The following REV1 variants were observed in gnomAD, a reference collection of about 807,000 sequenced individuals.
The protein encoded by REV1 is REV1 DNA directed polymerase.
A neutral mutation model predicts 137.4 loss-of-function variants in REV1; 42 were observed. That is an observed-to-expected ratio of 0.31 (90% CI 0.24 to 0.40). The LOEUF is 0.40. Among genes scored for constraint, REV1 ranks in the 10% least tolerant of loss-of-function variants. REV1 has a pLI of 1.00. For missense variants in REV1, 1,282 were observed against 1,490.1 expected (o/e 0.86, Z 2.30); for synonymous variants, 524 against 519.2 (o/e 1.01, Z -0.12).
rs28382958 is a variant in REV1 at position 99,408,347 on chromosome 2, G to A, written c.2346-216C>T. On this transcript the variant is annotated intron_variant, in intron 14 of 22. Coordinates refer to ENST00000258428, the MANE Select transcript of REV1 (RefSeq NM_016316.4). ...GGGAAAGAAAAATTATGGAACACTA[G>A]AACTTTAAGGTAAAAACCGTAATGG... The A allele has an allele frequency of 7.1e-3, 2,577 of 362,710 alleles. 22 individuals are homozygous for A. The highest frequency in any genetic ancestry group is 0.033 in the Middle Eastern group (45 of 1,366). 22.5% of individuals were successfully genotyped at this position (362,710 alleles called of 1,614,324 possible). A position where few individuals can be genotyped will look rare whatever the true frequency, so the allele number is the denominator to read the frequency against.
intron 8 of REV1, chr2:99,431,761 G>A: frequency 3.0e-6 from 3 of 985,550 alleles, no homozygotes; most frequent in Non-Finnish European, 2.4e-6. Flanking sequence ...GTGCAGCAGA[G>A]TGCGTGGGTC....
chr2:99,437,235 G>A (rs1031093928), intron 6 of REV1, among the ~76,000 whole-genome samples: 5 of 151,602 alleles, frequency 3.3e-5, no homozygotes, highest in South Asian at 2.1e-4. Flanking sequence ...CTCCCGCCTC[G>A]GCCTCCGAAA....
At chr2:99,488,578 C>T (rs923301690) in intron 1 of REV1, among the ~76,000 whole-genome samples, 1 of 152,112 alleles carries the variant, frequency 6.6e-6, no homozygotes, top group African/African-American at 2.4e-5. Flanking sequence ...AGAATGATTC[C>T]TGGAAGAGGA....
Position 99,400,519 on chromosome 2 carries a change from T to TAAC in REV1, c.*719_*721dup, listed in dbSNP as rs1028125605. 2.0e-5 allele frequency: 3 copies of TAAC among 152,192 alleles called. No individual in the cohort carries two copies. The highest frequency in any genetic ancestry group is 1.9e-4 in the East Asian group (1 of 5,198). 9.4% of individuals were successfully genotyped at this position (152,192 alleles called of 1,614,324 possible). ...TATTTTAAAGTTATGGCATAACATA[T>TAAC]AACATAAAAATATTTTATATACGTT... On this transcript the variant is annotated 3_prime_UTR_variant, in exon 23 of 23. Coordinates refer to ENST00000258428, the MANE Select transcript of REV1 (RefSeq NM_016316.4).
At chr2:99,425,016 C>T in intron 9 of REV1, 1 of 723,652 alleles carries the variant, frequency 1.4e-6, no homozygotes, top group Non-Finnish European at 1.9e-6. Flanking sequence ...TAGTAAAATT[C>T]TATTTTATCA....
chr2:99,451,418 G>A, intron 3 of REV1: 5 of 1,302,156 alleles, frequency 3.8e-6, no homozygotes, highest in Non-Finnish European at 5.1e-6. Context: ...CCCTTCTACT[G>A]GATGAAGTTA....
chr2:99,402,866 A>G (rs761635955), intron 20 of REV1, 23 bp downstream of exon 20: 2 of 1,612,864 alleles, frequency 1.2e-6, no homozygotes, highest in East Asian at 2.2e-5. Context: ...AAGATCTCAT[A>G]AAGGTCAAAG....
In REV1 at chr2:99,405,911, T is replaced by C; in HGVS notation, c.2810A>G (p.Gln937Arg). 1.3e-6 allele frequency: 2 copies of C among 1,529,906 alleles called. No homozygotes were observed. The highest frequency in any genetic ancestry group is 1.8e-6 in the Non-Finnish European group (2 of 1,135,392). The allele number at this position is 1,529,906 out of a possible 1,614,324, so 94.8% of individuals were successfully genotyped here. ...ATATTTAGGACTACAAAAATGTACC[T>C]GGGAAGGTGACGGGACCTCTATACT... The part of the protein sequence containing the change: ...NLSIEVPSPS[Q>R]LDQSVLEALP... Residue 937 changes from glutamine to arginine, a missense_variant and splice_region_variant, in exon 17 of 23, where the codon CAG (glutamine) becomes CGG (arginine). By Grantham distance (43) the Gln-to-Arg change is conservative. Transcript: ENST00000258428.
At chr2:99,454,321 G>C (rs987355290) in intron 3 of REV1, among the ~76,000 whole-genome samples, 1 of 151,974 alleles carries the variant, frequency 6.6e-6, no homozygotes, top group Non-Finnish European at 1.5e-5. Flanking sequence ...AGGCCACAGC[G>C]GGTGGATCCT....
intron 17 of REV1, among the ~76,000 whole-genome samples, chr2:99,404,946 T>C (rs1461517143): frequency 1.3e-5 from 2 of 152,134 alleles, no homozygotes; most frequent in Admixed American, 1.3e-4. Context: ...TAAGTCCAAA[T>C]ATACTCACAG....
intron 13 of REV1, 104 bp from the exon 14 acceptor site, chr2:99,410,971 ACT>A: frequency 1.9e-6 from 2 of 1,073,090 alleles, no homozygotes; most frequent in Non-Finnish European, 2.6e-6. Flanking sequence ...TTGGTTACTC[ACT>A]ATCACGCTCA....
At chr2:99,473,197 C>A (rs993107730) in intron 1 of REV1, among the ~76,000 whole-genome samples, 1 of 151,850 alleles carries the variant, frequency 6.6e-6, no homozygotes, top group Non-Finnish European at 1.5e-5. Flanking sequence ...GAAACCCTGT[C>A]TCCAAAAATC....
rs553903681 is a variant in REV1, at chr2:99,425,366, T to C, written c.1548-1086A>G. 3.9e-5 allele frequency among the ~76,000 whole-genome samples: 6 copies of C among 152,274 alleles called. No individual in the cohort carries two copies. In the East Asian group the frequency reaches 1.2e-3, roughly 29 times the overall value. ...AATGGTCTCAGTGCTAAGTCCCTAG[T>C]AGATAAGAAATACCTAAGAGGAAGG... On this transcript the variant is annotated intron_variant, in intron 9 of 22. Coordinates refer to ENST00000258428, the MANE Select transcript of REV1 (RefSeq NM_016316.4).
chr2:99,437,947 A>AT, intron 6 of REV1, among the ~76,000 whole-genome samples: 1 of 152,286 alleles, frequency 6.6e-6, no homozygotes, highest in Non-Finnish European at 1.5e-5. Flanking sequence ...ACAGCTATAA[A>AT]TTATAGAGTA....
At chr2:99,471,846 C>T (rs1685449292) in intron 1 of REV1, among the ~76,000 whole-genome samples, 1 of 145,200 alleles carries the variant, frequency 6.9e-6, no homozygotes, top group Non-Finnish European at 1.5e-5. Context: ...CAAATAGAAA[C>T]CACAATGAGA....
chr2:99,459,646 C>T (rs1183731605), intron 3 of REV1, among the ~76,000 whole-genome samples: 1 of 152,064 alleles, frequency 6.6e-6, no homozygotes, highest in Non-Finnish European at 1.5e-5. Context: ...GTTGAAGCTG[C>T]AGTGAGCCGT....
chr2:99,435,671 C>A, intron 7 of REV1, 163 bp downstream of exon 7: 2 of 493,310 alleles, frequency 4.1e-6, no homozygotes, highest in South Asian at 6.9e-5. Flanking sequence ...AAGAAAAACT[C>A]TAATTTCCCT....
Position 99,434,366 on chromosome 2 carries a change from C to A in REV1, c.1404G>T (p.Gln468His). ...CTTTCAGGATTTTATTCTGGTAATA[C>A]TGCCACTCCAGCTGGGGGTTAGCGC... ...RPGANPQLEW[Q>H]YYQNKILKGK... The change falls in exon 8 of 23, where the codon CAG (glutamine) becomes CAT (histidine). Residue 468 changes from glutamine (Q) to histidine (H), a missense_variant. Coordinates refer to ENST00000258428, the MANE Select transcript of REV1 (RefSeq NM_016316.4). 1 of 1,609,300 alleles carries A rather than the reference C, an allele frequency of 6.2e-7. No individual in the cohort carries two copies. The highest frequency in any genetic ancestry group is 8.5e-7 in the Non-Finnish European group (1 of 1,177,988).
Position 99,403,605 on chromosome 2 carries a change from C to T in REV1, c.3166+90G>A, listed in dbSNP as rs1675830397. 3.2e-6 allele frequency: 5 copies of T among 1,552,736 alleles called. No individual in the cohort carries two copies. In the South Asian group the frequency reaches 5.6e-5, roughly 17 times the overall value. ...AGAGCTCTTAATGCAACAGCTTAGA[C>T]TTTGCCCATTATATACTGCAATAAT... On this transcript the variant is annotated intron_variant, in intron 19 of 22. Transcript: ENST00000258428.
Sources: gnomAD v4.1 joint callset for allele counts (sites outside exome capture counted in the v4.1 genomes callset) on GRCh38, gnomAD v4.1.1 for gene constraint, MANE v1.5 for transcripts, NCBI Gene and HGNC (gene_info 2026-07-23, HGNC 2026-07-21) for gene names.